Variants in EDAR observed in about 807,000 individuals in gnomAD.
EDAR encodes ectodysplasin A receptor, also known as tumor necrosis factor receptor superfamily member EDAR.
In EDAR, 38 loss-of-function variants were observed where a neutral mutation model predicts 51.3. That is an observed-to-expected ratio of 0.74 (90% CI 0.57 to 0.97). EDAR has a LOEUF of 0.97. EDAR is among the 50% of genes least tolerant of loss of function. EDAR has a pLI of 0.00. For synonymous variants in EDAR, 227 were observed against 242.1 expected (o/e 0.94, Z 0.58); for missense variants, 528 against 595.0 (o/e 0.89, Z 1.17).
At chr2:108,920,214 C>T (rs1292428677) in intron 5 of EDAR, among the ~76,000 whole-genome samples, 1 of 152,268 alleles carries the variant, frequency 6.6e-6, no homozygotes, top group Non-Finnish European at 1.5e-5. Context: ...GCGCCTGGCA[C>T]TGGAGTAAGC....
chr2:108,984,918 T>A lies in EDAR; in HGVS notation c.-19+4042A>T, dbSNP rs76153825. Among the ~76,000 whole-genome samples the A allele has an allele frequency of 5.7e-3, 871 of 152,334 alleles. 8 individuals carry two copies. Among genetic ancestry groups the A allele is most frequent in the African/African-American group, 0.02 (832 of 41,564 alleles). ...AATCCTGCCTGCTTCCTCCTGTGCA[T>A]GCAGGATTCTGTGCAAACATGGGAT... On this transcript the variant is annotated intron_variant, in intron 1 of 11. Coordinates refer to ENST00000258443, the MANE Select transcript of EDAR (RefSeq NM_022336.4).
chr2:108,912,787 C>G (rs1223951110), intron 5 of EDAR, 23 bp from the exon 6 acceptor site: 1 of 1,559,002 alleles, frequency 6.4e-7, no homozygotes, highest in African/African-American at 1.4e-5. Context: ...TAGAGTCCCT[C>G]AAATGATCCA....
chr2:108,929,625 T>C (rs1697328138), intron 3 of EDAR, among the ~76,000 whole-genome samples: 1 of 152,186 alleles, frequency 6.6e-6, no homozygotes, highest in East Asian at 1.9e-4. Flanking sequence ...CCGAGATGAA[T>C]TCAGCGAGCT....
chr2:108,964,974 T>A (rs1698120861), intron 1 of EDAR, among the ~76,000 whole-genome samples: 1 of 152,228 alleles, frequency 6.6e-6, no homozygotes, highest in Non-Finnish European at 1.5e-5. Context: ...TTTTTTTTAA[T>A]GATCTAAGAC....
intron 11 of EDAR, among the ~76,000 whole-genome samples, chr2:108,897,904 A>T (rs1473247889): frequency 6.6e-6 from 1 of 152,198 alleles, no homozygotes; most frequent in Admixed American, 6.5e-5. Context: ...AAGAAGACAG[A>T]CCAACTAGGG....
chr2:108,918,541 A>G (rs1346045223), intron 5 of EDAR, among the ~76,000 whole-genome samples: 1 of 152,214 alleles, frequency 6.6e-6, no homozygotes, highest in Non-Finnish European at 1.5e-5. Flanking sequence ...GCAGTTCCAC[A>G]AAACAGGCAA....
intron 1 of EDAR, among the ~76,000 whole-genome samples, chr2:108,971,417 A>G (rs745652587): frequency 6.6e-5 from 10 of 151,978 alleles, no homozygotes; most frequent in Admixed American, 2.0e-4. Flanking sequence ...TTGCGTGCAA[A>G]TCACATTTTC....
intron 4 of EDAR, 135 bp from the exon 5 acceptor site, chr2:108,923,588 C>T (rs566699731): frequency 1.2e-5 from 9 of 732,376 alleles, no homozygotes; most frequent in East Asian, 2.6e-5. Context: ...CACTCAGTCA[C>T]CTGCTCTGTC....
intron 1 of EDAR, among the ~76,000 whole-genome samples, chr2:108,931,412 G>C (rs1381162979): frequency 2.0e-5 from 3 of 152,238 alleles, no homozygotes; most frequent in African/African-American, 7.2e-5. Context: ...GGACTTAGGA[G>C]GACCCCTGGA....
At chr2:108,978,753 G>T (rs965892575) in intron 1 of EDAR, among the ~76,000 whole-genome samples, 6 of 152,176 alleles carry the variant, frequency 3.9e-5, no homozygotes, top group African/African-American at 1.2e-4. Flanking sequence ...GTTTTGGTAT[G>T]GAGACAGTCT....
At chr2:108,976,661 A>G (rs1343305400) in intron 1 of EDAR, among the ~76,000 whole-genome samples, 1 of 152,170 alleles carries the variant, frequency 6.6e-6, no homozygotes, top group Non-Finnish European at 1.5e-5. Flanking sequence ...GTCAGTGTGA[A>G]CACATGGGTA....
chr2:108,917,133 C>T (rs1046323957), intron 5 of EDAR, among the ~76,000 whole-genome samples: 1 of 152,196 alleles, frequency 6.6e-6, no homozygotes, highest in South Asian at 2.1e-4. Flanking sequence ...GTCACAGCTC[C>T]GTGGCCGACA....
intron 1 of EDAR, among the ~76,000 whole-genome samples, chr2:108,975,148 A>G (rs2104454100): frequency 6.6e-6 from 1 of 152,306 alleles, no homozygotes; most frequent in South Asian, 2.1e-4. Flanking sequence ...CAGGGTCCAA[A>G]GGGGAGCAAA....
rs777022647 is a variant in EDAR, at chr2:108,929,342, C to T, written c.212G>A (p.Cys71Tyr). 2 of 1,614,168 alleles carry T rather than the reference C, an allele frequency of 1.2e-6. No individual in the cohort carries two copies. The highest frequency in any genetic ancestry group is 3.3e-5 in the Admixed American group (2 of 60,038). The change falls in exon 4 of 12, where the codon TGC (cysteine) becomes TAC (tyrosine). Residue 71 changes from cysteine to tyrosine, a missense_variant. Coordinates refer to ENST00000258443, the MANE Select transcript of EDAR (RefSeq NM_022336.4). ...GYGTKDEDYGCVPCPAEKFSK... is the reference protein window; with the variant it reads ...GYGTKDEDYGYVPCPAEKFSK... The stretch of plus-strand genomic sequence containing the variant: ...AAACTTCTCCGCCGGGCAGGGGACG[C>T]AGCCGTAGTCCTCGTCTTTGGTGCC...
At position 108,898,297 on chromosome 2, in the gene EDAR, C is replaced by A. The variant is rs189858308; in HGVS notation, c.1025-1068G>T. Among the ~76,000 whole-genome samples the A allele has an allele frequency of 5.1e-3, 779 of 152,196 alleles. 3 individuals are homozygous for A. The highest frequency in any genetic ancestry group is 7.1e-3 in the Non-Finnish European group (481 of 68,018). On this transcript the variant is annotated intron_variant, in intron 11 of 11. Coordinates refer to ENST00000258443, the MANE Select transcript of EDAR (RefSeq NM_022336.4). ...CTCATCAACCAGCTGGTAAAAACTC[C>A]TCTGCCCCCGTGGTGACCATGTCAG...
chr2:108,986,194 T>C (rs751071191), intron 1 of EDAR, among the ~76,000 whole-genome samples: 15 of 152,204 alleles, frequency 9.9e-5, no homozygotes, highest in Non-Finnish European at 2.2e-4. Flanking sequence ...TATCTTAGAC[T>C]GAACCACCTA....
intron 1 of EDAR, among the ~76,000 whole-genome samples, chr2:108,940,536 GCC>G (rs533998273): frequency 4.8e-4 from 73 of 152,394 alleles, no homozygotes; most frequent in African/African-American, 1.7e-3. Context: ...CCTGGGCCAT[GCC>G]TGAGCCCCAG....
intron 1 of EDAR, among the ~76,000 whole-genome samples, chr2:108,933,051 A>G (rs936942354): frequency 1.3e-5 from 2 of 152,192 alleles, no homozygotes; most frequent in African/African-American, 4.8e-5. Context: ...ATTGCAACAA[A>G]TAAACACCCA....
chr2:108,950,238 T>TC (rs1697798052), intron 1 of EDAR, among the ~76,000 whole-genome samples: 1 of 88,790 alleles, frequency 1.1e-5, no homozygotes, highest in East Asian at 3.1e-4. Context: ...CCTCCCTCCC[T>TC]CCTCCCTCCC....
Sources: allele counts gnomAD v4.1 joint callset (sites outside exome capture counted in the v4.1 genomes callset), GRCh38; gene constraint gnomAD v4.1.1; transcripts MANE v1.5; gene names NCBI Gene and HGNC (gene_info 2026-07-23, HGNC 2026-07-21).